Variants in KCND3 observed in about 807,000 individuals in gnomAD.
KCND3 encodes the protein potassium voltage-gated channel subfamily D member 3.
In KCND3, 9 loss-of-function variants were observed where a neutral mutation model predicts 51.1. The observed-to-expected ratio is 0.18, with a 90% CI of 0.11 to 0.31. The LOEUF (loss-of-function observed/expected upper bound fraction) is 0.31. KCND3 is among the 10% of genes least tolerant of loss of function. The probability of loss-of-function intolerance (pLI) is 1.00; values close to 1 mark genes in which losing one functional copy is unlikely to be tolerated. For synonymous variants in KCND3, 349 were observed against 368.0 expected (o/e 0.95, Z 0.59); for missense variants, 526 against 903.8 (o/e 0.58, Z 5.36).
In KCND3 at chr1:111,857,382, G is replaced by A. The variant is rs148603578; in HGVS notation, c.1107-70276C>T. 2.2e-3 allele frequency among the ~76,000 whole-genome samples: 336 copies of A among 152,262 alleles called. 1 individual carries two copies. The highest frequency in any genetic ancestry group is 3.4e-3 in the Middle Eastern group (1 of 294). On this transcript the variant is annotated intron_variant, in intron 2 of 7. Coordinates refer to ENST00000302127, the MANE Select transcript of KCND3 (RefSeq NM_001378969.1). ...GGCTGGTTTTGCTGACCCAGGTAGC[G>A]GGGACAGGACGAAGTGTTCCTGTGG...
chr1:111,823,072 A>G (rs1201503127), intron 2 of KCND3, among the ~76,000 whole-genome samples: 1 of 152,224 alleles, frequency 6.6e-6, no homozygotes. Context: ...GGGCGGAATC[A>G]CAGAAGCAAG....
At chr1:111,833,277 T>C (rs1325008723) in intron 2 of KCND3, among the ~76,000 whole-genome samples, 2 of 152,254 alleles carry the variant, frequency 1.3e-5, no homozygotes, top group African/African-American at 2.4e-5. Context: ...TCTTGACAGA[T>C]GCTGGAAACC....
chr1:111,794,302 G>C (rs1178621689), intron 2 of KCND3, among the ~76,000 whole-genome samples: 3 of 152,230 alleles, frequency 2.0e-5, no homozygotes, highest in Non-Finnish European at 4.4e-5. Context: ...TCCTCCAGGT[G>C]CCAAGAGATA....
At chr1:111,967,761 T>C (rs757809419) in intron 2 of KCND3, among the ~76,000 whole-genome samples, 2 of 152,232 alleles carry the variant, frequency 1.3e-5, no homozygotes, top group Non-Finnish European at 2.9e-5. Context: ...GATTTAAGCC[T>C]TGTGCAGCTG....
At chr1:111,843,512 G>C (rs565316124) in intron 2 of KCND3, among the ~76,000 whole-genome samples, 1 of 152,206 alleles carries the variant, frequency 6.6e-6, no homozygotes, top group Non-Finnish European at 1.5e-5. Flanking sequence ...TTTGGAGAGT[G>C]TCCAGGTGGC....
intron 2 of KCND3, among the ~76,000 whole-genome samples, chr1:111,800,720 G>A (rs1665268300): frequency 6.6e-6 from 1 of 152,222 alleles, no homozygotes; most frequent in Non-Finnish European, 1.5e-5. Flanking sequence ...TCAAGAGGCT[G>A]TGAAGCCACT....
At chr1:111,810,580 T>G (rs886669275) in intron 2 of KCND3, among the ~76,000 whole-genome samples, 1 of 152,164 alleles carries the variant, frequency 6.6e-6, no homozygotes, top group Non-Finnish European at 1.5e-5. Flanking sequence ...TATAGCCAAT[T>G]AGCTGAGCCC....
At chr1:111,860,836 T>C (rs1412391636) in intron 2 of KCND3, among the ~76,000 whole-genome samples, 1 of 152,218 alleles carries the variant, frequency 6.6e-6, no homozygotes, top group Non-Finnish European at 1.5e-5. Flanking sequence ...ATGTGGGTTC[T>C]TCCATCCAGA....
At chr1:111,899,521 A>C (rs868026540) in intron 2 of KCND3, among the ~76,000 whole-genome samples, 10 of 152,328 alleles carry the variant, frequency 6.6e-5, no homozygotes, top group African/African-American at 2.4e-4. Context: ...AGGCCTCCTA[A>C]GATCAAAACC....
intron 2 of KCND3, among the ~76,000 whole-genome samples, chr1:111,966,977 C>T (rs1275790224): frequency 2.6e-5 from 4 of 151,882 alleles, no homozygotes; most frequent in Admixed American, 6.6e-5. Context: ...CCCATCACTA[C>T]TAAAAATACA....
chr1:111,780,290 C>A lies in KCND3; in HGVS notation c.1396G>T (p.Gly466Cys). The A allele has an allele frequency of 6.3e-7, 1 of 1,578,922 alleles. No individual in the cohort carries two copies. The highest frequency in any genetic ancestry group is 2.3e-5 in the East Asian group (1 of 43,720). Residue 466 changes from glycine (G) to cysteine (C), a missense_variant, in exon 5 of 8, where the codon GGC becomes TGC. Physicochemically the swap from Gly to Cys is radical, Grantham distance 159. This residue lies in a region of KCND3 where 266 missense variants were observed against 305.5 expected (regional missense o/e 0.87). Transcript: ENST00000302127. The surrounding 1 kb of genome is among the most constrained non-coding windows in gnomAD (Gnocchi z 4.2). Reference protein sequence around the residue: ...LTGTPEEEHMGKTTSLIESQH... With the variant: ...LTGTPEEEHMCKTTSLIESQH... ...CTCTCGATGAGTGAGGTGGTCTTGC[C>A]CATGTGCTCCTCTTCTGGGGTGCCC...
Position 111,923,231 on chromosome 1 carries a change from C to T in KCND3, c.1106+58390G>A, listed in dbSNP as rs529660024. 6.6e-5 allele frequency among the ~76,000 whole-genome samples: 10 copies of T among 152,310 alleles called. No homozygotes were observed. The South Asian group carries it at 1.0e-3, about 16-fold the overall frequency. On this transcript the variant is annotated intron_variant, in intron 2 of 7. Coordinates refer to ENST00000302127, the MANE Select transcript of KCND3 (RefSeq NM_001378969.1). ...CCAGTGTGGGACAGTGGAGAGGACACGGCTCATCAGAATAGATATGGGTTG... is the reference window on the plus strand; with the variant it reads ...CCAGTGTGGGACAGTGGAGAGGACATGGCTCATCAGAATAGATATGGGTTG...
chr1:111,943,925 A>G (rs537363994), intron 2 of KCND3, among the ~76,000 whole-genome samples: 99 of 152,322 alleles, frequency 6.5e-4, no homozygotes, highest in African/African-American at 2.3e-3. Flanking sequence ...ACTCCAAGCT[A>G]AACCCAGCCG....
chr1:111,936,283 C>A (rs1392404518), intron 2 of KCND3, among the ~76,000 whole-genome samples: 1 of 152,138 alleles, frequency 6.6e-6, no homozygotes, highest in Non-Finnish European at 1.5e-5. Flanking sequence ...TGCAACGTGC[C>A]AGCATTGGTG....
At chr1:111,950,066 A>G (rs910361968) in intron 2 of KCND3, among the ~76,000 whole-genome samples, 1 of 152,104 alleles carries the variant, frequency 6.6e-6, no homozygotes, top group Non-Finnish European at 1.5e-5. Flanking sequence ...GCATGCCACC[A>G]TACCTGGCTC....
At chr1:111,864,890 G>A (rs1668485504) in intron 2 of KCND3, among the ~76,000 whole-genome samples, 2 of 152,172 alleles carry the variant, frequency 1.3e-5, no homozygotes, top group South Asian at 4.1e-4. Flanking sequence ...GGAGAGAAAG[G>A]CATAGAAGGA....
At chr1:111,814,201 C>T (rs933645836) in intron 2 of KCND3, among the ~76,000 whole-genome samples, 8 of 152,058 alleles carry the variant, frequency 5.3e-5, no homozygotes, top group Non-Finnish European at 8.8e-5. Flanking sequence ...CGTCAGACAC[C>T]GGGTCCAGAA....
chr1:111,930,917 A>G (rs947128115), intron 2 of KCND3, among the ~76,000 whole-genome samples: 1 of 152,230 alleles, frequency 6.6e-6, no homozygotes, highest in African/African-American at 2.4e-5. Context: ...GCGATGCTAC[A>G]AGGTCATTCT....
chr1:111,898,985 A>T (rs1374290289), intron 2 of KCND3, among the ~76,000 whole-genome samples: 1 of 152,164 alleles, frequency 6.6e-6, no homozygotes, highest in Non-Finnish European at 1.5e-5. Context: ...CTGTCCCACT[A>T]GTGCCAGGAA....
Sources: gnomAD v4.1 joint callset for allele counts (sites outside exome capture counted in the v4.1 genomes callset) on GRCh38, gnomAD v4.1.1 for gene constraint, gnomAD v4.1.1 regional missense constraint, Gnocchi (gnomAD v3.1) non-coding constraint, MANE v1.5 for transcripts, NCBI Gene and HGNC (gene_info 2026-07-23, HGNC 2026-07-21) for gene names.